The following KIF13A variants were observed in gnomAD, a reference collection of about 807,000 sequenced individuals.
KIF13A encodes kinesin family member 13A, also known as kinesin-like protein KIF13A.
KIF13A carries 79 observed loss-of-function variants against 212.2 expected under a neutral mutation model. The ratio of observed to expected loss-of-function variants is 0.37; its 90% confidence interval spans 0.31 to 0.45. The LOEUF (loss-of-function observed/expected upper bound fraction) is 0.45, where lower values mean the gene tolerates loss of function less well. KIF13A is among the 20% of genes least tolerant of loss of function. The pLI is 1.00. For synonymous variants in KIF13A, 789 were observed against 808.6 expected (o/e 0.98, Z 0.41); for missense variants, 1,901 against 2,209.0 (o/e 0.86, Z 2.79).
chr6:17,929,684 G>T (rs1057436907), intron 2 of KIF13A, among the ~76,000 whole-genome samples: 19 of 152,246 alleles, frequency 1.2e-4, no homozygotes, highest in African/African-American at 4.6e-4. Flanking sequence ...ACAGGCGTGA[G>T]CCACCGCGCC....
chr6:17,968,314 A>G lies in KIF13A; in HGVS notation c.146+18740T>C, dbSNP rs1442696263. 6.6e-6 allele frequency among the ~76,000 whole-genome samples: 1 copy of G among 152,218 alleles called. No homozygotes were observed. Among genetic ancestry groups the G allele is most frequent in the Non-Finnish European group, 1.5e-5 (1 of 68,040 alleles). ...GGACTCCAGGTGGAGCTGGAGGAAG[A>G]GGCCCTGGCAATCTACCAGTACCTC... On this transcript the variant is annotated intron_variant, in intron 2 of 38. Transcript: ENST00000259711. This position sits in a 1 kb window ranked among gnomAD's most constrained non-coding sequence, Gnocchi z 4.7.
At chr6:17,911,719 A>G (rs1399339614) in intron 2 of KIF13A, among the ~76,000 whole-genome samples, 1 of 151,396 alleles carries the variant, frequency 6.6e-6, no homozygotes, top group African/African-American at 2.4e-5. Flanking sequence ...AAAAGAATTA[A>G]TAAGACCTAC....
intron 4 of KIF13A, among the ~76,000 whole-genome samples, chr6:17,862,697 C>A (rs1285898905): frequency 6.6e-6 from 1 of 151,954 alleles, no homozygotes; most frequent in Non-Finnish European, 1.5e-5. Context: ...ACCTGTAATC[C>A]CAGCACTTTG....
At chr6:17,858,826 A>G (rs2150410557) in intron 4 of KIF13A, among the ~76,000 whole-genome samples, 1 of 151,240 alleles carries the variant, frequency 6.6e-6, no homozygotes, top group East Asian at 1.9e-4. Flanking sequence ...GGGTGGGGAC[A>G]AGAGACTTCA....
chr6:17,783,162 C>T lies in KIF13A; in HGVS notation c.3544+484G>A, dbSNP rs375079560. ...ACACATGGGGTTCCAGTTAATATTT[C>T]GTTTAGAAAAGGATTGTTCTGCTAA... On this transcript the variant is annotated intron_variant, in intron 29 of 38. Coordinates refer to ENST00000259711, the MANE Select transcript of KIF13A (RefSeq NM_022113.6). This position sits in a 1 kb window ranked among gnomAD's most constrained non-coding sequence, Gnocchi z 4.3. 6.6e-6 allele frequency among the ~76,000 whole-genome samples: 1 copy of T among 152,206 alleles called. No homozygotes were observed. Among genetic ancestry groups the T allele is most frequent in the African/African-American group, 2.4e-5 (1 of 41,446 alleles).
chr6:17,786,378 C>G lies in KIF13A; in HGVS notation c.3362-737G>C, dbSNP rs1274459450. Reference sequence around the variant, plus strand: ...CTTTTGGAGGCCGAGGTGGGCAGATCTCCTGAGGTCAGGAGTTCAAAACCA... The same window carrying G: ...CTTTTGGAGGCCGAGGTGGGCAGATGTCCTGAGGTCAGGAGTTCAAAACCA... On this transcript the variant is annotated intron_variant, in intron 27 of 38. Transcript: ENST00000259711. This position sits in a 1 kb window ranked among gnomAD's most constrained non-coding sequence, Gnocchi z 5.4. Among the ~76,000 whole-genome samples, 1 of 152,110 alleles carries G rather than the reference C, an allele frequency of 6.6e-6. No individual in the cohort carries two copies. Among genetic ancestry groups the G allele is most frequent in the Non-Finnish European group, 1.5e-5 (1 of 68,032 alleles).
At chr6:17,802,563 T>C (rs1276747818) in intron 20 of KIF13A, among the ~76,000 whole-genome samples, 2 of 152,140 alleles carry the variant, frequency 1.3e-5, no homozygotes, top group African/African-American at 4.8e-5. Context: ...GTGCTGGGAT[T>C]ACAGGCGTGA....
chr6:17,863,795 TTTTTG>T (rs1307860737), intron 4 of KIF13A, among the ~76,000 whole-genome samples: 1 of 152,138 alleles, frequency 6.6e-6, no homozygotes, highest in Non-Finnish European at 1.5e-5. Context: ...ATTTTTGTTT[TTTTTG>T]TTTTGTTTTG....
At chr6:17,848,635 G>A (rs1210426933) in intron 9 of KIF13A, among the ~76,000 whole-genome samples, 2 of 145,718 alleles carry the variant, frequency 1.4e-5, no homozygotes, top group South Asian at 2.2e-4. Flanking sequence ...GAGCAATCTC[G>A]GCTCACTGCA....
At chr6:17,846,128 G>A (rs34930466) in intron 9 of KIF13A, among the ~76,000 whole-genome samples, 1,529 of 112,546 alleles carry the variant, frequency 0.014, 15 homozygotes, top group Non-Finnish European at 0.019. Context: ...GCTGATTTTT[G>A]TATTTTTAGT....
At chr6:17,975,483 A>C (rs145175526) in intron 2 of KIF13A, among the ~76,000 whole-genome samples, 252 of 152,302 alleles carry the variant, frequency 1.7e-3, no homozygotes, top group African/African-American at 5.8e-3. Context: ...TGAGCGTTAC[A>C]GCTTATAAAG....
At position 17,764,278 on chromosome 6, in the gene KIF13A, C is replaced by T; in HGVS notation, c.5250G>A (p.Leu1750=). 6.2e-7 allele frequency: 1 copy of T among 1,614,010 alleles called. No homozygotes were observed. Among genetic ancestry groups the T allele is most frequent in the African/African-American group, 1.3e-5 (1 of 75,046 alleles). The change falls in exon 39 of 39, where the codon TTG becomes TTA. Residue 1750 remains leucine, a synonymous_variant. Transcript: ENST00000259711. This position sits in a 1 kb window ranked among gnomAD's most constrained non-coding sequence, Gnocchi z 5.1. ...AAAGCTCTCCAGCAGAAGAATCTGT[C>T]AAACCATCAAAATCTTTTCCCTCTG... The part of the protein sequence containing the change: ...GVSEGKDFDG[L]TDSSAGELSS...
At chr6:17,779,772 C>T (rs1328592863) in intron 31 of KIF13A, 88 bp from the exon 32 acceptor site, 10 of 495,290 alleles carry the variant, frequency 2.0e-5, no homozygotes, top group East Asian at 5.8e-5. Context: ...GATGGAGTCT[C>T]GCTGTCGCCC....
chr6:17,833,873 A>AAAG, intron 12 of KIF13A, 88 bp downstream of exon 12: 3 of 650,360 alleles, frequency 4.6e-6, no homozygotes, highest in Non-Finnish European at 7.3e-6. Flanking sequence ...AAAAAAAAAA[A>AAAG]GACTTTCTGA....
At chr6:17,882,816 C>T (rs930472938) in intron 3 of KIF13A, among the ~76,000 whole-genome samples, 2 of 152,172 alleles carry the variant, frequency 1.3e-5, no homozygotes, top group Non-Finnish European at 2.9e-5. Flanking sequence ...CCTACCTTGG[C>T]CTCCCAAAGT....
rs138836451 is a variant in KIF13A, at chr6:17,801,367, T to C, written c.2455-1254A>G. Among the ~76,000 whole-genome samples the C allele has an allele frequency of 4.6e-3, 696 of 151,526 alleles. 2 individuals carry two copies. The highest frequency in any genetic ancestry group is 8.2e-3 in the Non-Finnish European group (556 of 67,842). On this transcript the variant is annotated intron_variant, in intron 20 of 38. Transcript: ENST00000259711. Reference sequence around the variant, plus strand: ...AATTAAAAAAAAAATTAGCCAGGCATGGTGGGTCATACCTGTAGTCCCAGC... The same window carrying C: ...AATTAAAAAAAAAATTAGCCAGGCACGGTGGGTCATACCTGTAGTCCCAGC...
At chr6:17,835,398 A>G (rs1198377743) in intron 11 of KIF13A, among the ~76,000 whole-genome samples, 1 of 152,126 alleles carries the variant, frequency 6.6e-6, no homozygotes, top group Non-Finnish European at 1.5e-5. Flanking sequence ...CAGAACCATT[A>G]TACTTTCCTC....
In KIF13A at chr6:17,785,391, T is replaced by C; in HGVS notation, c.3488+124A>G. On this transcript the variant is annotated intron_variant, in intron 28 of 38. Transcript: ENST00000259711. This position sits in a 1 kb window ranked among gnomAD's most constrained non-coding sequence, Gnocchi z 5.8. ...TGGAAGCATTAGAGATGAGTGGACA[T>C]TCCCTAAGTAGTTCAGCTGGTTGGC... is the stretch of plus-strand genomic sequence containing the variant. The C allele has an allele frequency of 9.1e-7, 1 of 1,096,734 alleles. No homozygotes were observed. The highest frequency in any genetic ancestry group is 1.3e-6 in the Non-Finnish European group (1 of 799,338). The allele number at this position is 1,096,734 out of a possible 1,614,324, so 67.9% of individuals were successfully genotyped here.
At position 17,850,544 on chromosome 6, in the gene KIF13A, C is replaced by T. The variant is rs2150399109; in HGVS notation, c.583-87G>A. ...CAGGTATATGTATTAATTATGATTC[C>T]TCTGATGCCTTTGTCACCACCCTTC... On this transcript the variant is annotated intron_variant, in intron 7 of 38. Coordinates refer to ENST00000259711, the MANE Select transcript of KIF13A (RefSeq NM_022113.6). This position sits in a 1 kb window ranked among gnomAD's most constrained non-coding sequence, Gnocchi z 6.2. 7.6e-7 allele frequency: 1 copy of T among 1,318,682 alleles called. No homozygotes were observed. Among genetic ancestry groups the T allele is most frequent in the Non-Finnish European group, 1.0e-6 (1 of 985,946 alleles). 81.7% of individuals were successfully genotyped at this position (1,318,682 alleles called of 1,614,324 possible).
Sources: gnomAD v4.1 joint callset for allele counts (sites outside exome capture counted in the v4.1 genomes callset) on GRCh38, gnomAD v4.1.1 for gene constraint, Gnocchi (gnomAD v3.1) non-coding constraint, MANE v1.5 for transcripts, NCBI Gene and HGNC (gene_info 2026-07-23, HGNC 2026-07-21) for gene names.